DLG2: variants seen among roughly 807,000 people sequenced by gnomAD.
The protein encoded by DLG2 is disks large homolog 2.
In DLG2, 45 loss-of-function variants were observed where a neutral mutation model predicts 132.5. That is an observed-to-expected ratio of 0.34 (90% confidence interval 0.27 to 0.44). The LOEUF is 0.44. Ranked by LOEUF, DLG2 falls within the 20% of genes least tolerant of loss-of-function variation. The probability of loss-of-function intolerance (pLI) is 1.00; values close to 1 mark genes in which losing one functional copy is unlikely to be tolerated. For synonymous variants in DLG2, 424 were observed against 419.6 expected (o/e 1.01, Z -0.13); for missense variants, 1,045 against 1,196.9 (o/e 0.87, Z 1.87).
chr11:84,214,359 A>T (rs894665106), intron 8 of DLG2, among the ~76,000 whole-genome samples: 1 of 149,946 alleles, frequency 6.7e-6, no homozygotes. Flanking sequence ...GTATATGTTT[A>T]TATACAAACA....
chr11:85,357,761 T>C, intron 3 of DLG2, among the ~76,000 whole-genome samples: 1 of 107,904 alleles, frequency 9.3e-6, no homozygotes. Flanking sequence ...TATATATATA[T>C]TTTATACTTT....
chr11:84,250,898 T>G lies in DLG2; in HGVS notation c.573+340A>C, dbSNP rs192898898. Among the ~76,000 whole-genome samples the G allele has an allele frequency of 2.9e-3, 444 of 152,346 alleles. 4 individuals are homozygous for G. Among genetic ancestry groups the G allele is most frequent in the African/African-American group, 0.01 (432 of 41,590 alleles). ...TTCCAGACTATCACAGAAATTGACTTGAATATTCCTTTTATAAGAAACCCA... is the reference window on the plus strand; with the variant it reads ...TTCCAGACTATCACAGAAATTGACTGGAATATTCCTTTTATAAGAAACCCA... On this transcript the variant is annotated intron_variant, in intron 8 of 27. Coordinates refer to ENST00000376104, the MANE Select transcript of DLG2 (RefSeq NM_001142699.3).
intron 7 of DLG2, among the ~76,000 whole-genome samples, chr11:84,400,042 G>A (rs764622682): frequency 5.9e-5 from 9 of 152,154 alleles, no homozygotes; most frequent in Non-Finnish European, 1.3e-4. Context: ...TGAAAATTCT[G>A]CTGTGTTTAC....
At chr11:84,164,988 A>G (rs2154263775) in intron 8 of DLG2, among the ~76,000 whole-genome samples, 1 of 152,306 alleles carries the variant, frequency 6.6e-6, no homozygotes, top group African/African-American at 2.4e-5. Flanking sequence ...TATATGCAAA[A>G]GTAAAACACA....
intron 8 of DLG2, among the ~76,000 whole-genome samples, chr11:84,228,895 G>A (rs2097049606): frequency 1.3e-5 from 2 of 152,092 alleles, no homozygotes; most frequent in South Asian, 2.1e-4. Context: ...GGAGCCTTGG[G>A]TATAGTTTTA....
chr11:83,974,280 C>A (rs2091868505), intron 12 of DLG2, among the ~76,000 whole-genome samples: 1 of 151,888 alleles, frequency 6.6e-6, no homozygotes, highest in Non-Finnish European at 1.5e-5. Context: ...TGTAGATTTA[C>A]CAAAAATAAT....
At chr11:84,915,043 A>T (rs983740642) in intron 6 of DLG2, among the ~76,000 whole-genome samples, 4 of 152,202 alleles carry the variant, frequency 2.6e-5, no homozygotes, top group Non-Finnish European at 5.9e-5. Flanking sequence ...ACCAGGCTAT[A>T]TGGAGAAGCC....
chr11:85,434,582 G>C (rs1457540826), intron 3 of DLG2, among the ~76,000 whole-genome samples: 1 of 152,154 alleles, frequency 6.6e-6, no homozygotes, highest in Non-Finnish European at 1.5e-5. Context: ...ACAAGTAATG[G>C]ATAAATTCCT....
At chr11:85,583,902 G>GT (rs1049646865) in intron 3 of DLG2, among the ~76,000 whole-genome samples, 4 of 152,154 alleles carry the variant, frequency 2.6e-5, no homozygotes, top group African/African-American at 4.8e-5. Context: ...AGAAAATGTG[G>GT]TTTTTTAATG....
intron 5 of DLG2, among the ~76,000 whole-genome samples, chr11:85,122,963 A>ATAT (rs1255943805): frequency 7.1e-5 from 4 of 55,968 alleles, no homozygotes; most frequent in African/African-American, 2.0e-4. Flanking sequence ...ATATATATAT[A>ATAT]TATATATTTT....
rs530530523 is a variant in DLG2, at chr11:84,182,749, T to C, written c.574-19238A>G. Among the ~76,000 whole-genome samples, 3 of 152,032 alleles carry C rather than the reference T, an allele frequency of 2.0e-5. No individual in the cohort carries two copies. In the East Asian group the frequency reaches 5.8e-4, roughly 29 times the overall value. Reference sequence around the variant, plus strand: ...TAAGCAGAAGAAAAGAAGTAAAAGTTAGAGAAGATCAAGAAAATTGAAAAC... The same window carrying C: ...TAAGCAGAAGAAAAGAAGTAAAAGTCAGAGAAGATCAAGAAAATTGAAAAC... On this transcript the variant is annotated intron_variant, in intron 8 of 27. Coordinates refer to ENST00000376104, the MANE Select transcript of DLG2 (RefSeq NM_001142699.3).
intron 6 of DLG2, among the ~76,000 whole-genome samples, chr11:84,541,421 T>A (rs1345296820): frequency 2.0e-5 from 3 of 151,998 alleles, no homozygotes; most frequent in African/African-American, 7.2e-5. Flanking sequence ...TCAAGCAAAC[T>A]TTTTTAGGTC....
At chr11:84,240,544 C>T (rs1444053306) in intron 8 of DLG2, among the ~76,000 whole-genome samples, 1 of 152,084 alleles carries the variant, frequency 6.6e-6, no homozygotes, top group Non-Finnish European at 1.5e-5. Context: ...TAACAATCTC[C>T]CATGATTGAA....
chr11:85,301,999 T>C lies in DLG2; in HGVS notation c.41-16634A>G, dbSNP rs574957475. Among the ~76,000 whole-genome samples the C allele has an allele frequency of 2.6e-5, 4 of 152,314 alleles. No homozygotes were observed. In the South Asian group the frequency reaches 8.3e-4, roughly 32 times the overall value. On this transcript the variant is annotated intron_variant, in intron 3 of 27. Transcript: ENST00000376104. ...CCTGAGAGAATTAATACAAATAGTA[T>C]AGTAGCAACACTCAGCACAAAATTA...
chr11:84,741,126 G>A (rs2064585622), intron 6 of DLG2, among the ~76,000 whole-genome samples: 1 of 140,844 alleles, frequency 7.1e-6, no homozygotes, highest in African/African-American at 2.7e-5. Context: ...GAGTGCTGTG[G>A]CGCGATCTCC....
chr11:84,132,589 T>C (rs948813914), intron 9 of DLG2, among the ~76,000 whole-genome samples: 2 of 152,018 alleles, frequency 1.3e-5, no homozygotes, highest in Admixed American at 6.6e-5. Context: ...GAACCTACTA[T>C]GTGCAAAACA....
intron 7 of DLG2, among the ~76,000 whole-genome samples, chr11:84,456,092 T>A (rs936643481): frequency 6.6e-6 from 1 of 151,368 alleles, no homozygotes; most frequent in Admixed American, 6.6e-5. Flanking sequence ...AAAAGCCTGT[T>A]GACAATCTTA....
At chr11:85,181,933 G>A (rs1012785210) in intron 4 of DLG2, among the ~76,000 whole-genome samples, 3 of 151,770 alleles carry the variant, frequency 2.0e-5, no homozygotes, top group African/African-American at 4.8e-5. Context: ...ATCCAGGCAA[G>A]GAGACTGCAT....
intron 8 of DLG2, among the ~76,000 whole-genome samples, chr11:84,183,676 G>C (rs1324097119): frequency 6.6e-6 from 1 of 152,042 alleles, no homozygotes; most frequent in Non-Finnish European, 1.5e-5. Flanking sequence ...GCTGCACCCA[G>C]TAACTCCTCA....
Sources: allele counts gnomAD v4.1 joint callset (sites outside exome capture counted in the v4.1 genomes callset), GRCh38; gene constraint gnomAD v4.1.1; transcripts MANE v1.5; gene names NCBI Gene and HGNC (gene_info 2026-07-23, HGNC 2026-07-21).